ATP10B: variants seen among roughly 807,000 people sequenced by gnomAD.
ATP10B encodes the protein phospholipid-transporting ATPase VB.
ATP10B carries 122 observed loss-of-function variants against 141.2 expected under a neutral mutation model. The ratio of observed to expected loss-of-function variants is 0.86; its 90% CI spans 0.75 to 1.00. The LOEUF (loss-of-function observed/expected upper bound fraction) is 1.00, where lower values mean the gene tolerates loss of function less well. ATP10B is among the 50% of genes least tolerant of loss of function. The pLI is 0.00. For missense variants in ATP10B, 1,876 were observed against 1,825.3 expected, an observed-to-expected ratio of 1.03 and a Z score of -0.51; for synonymous variants, 685 against 692.0, an observed-to-expected ratio of 0.99 and a Z score of 0.16.
chr5:160,775,109 T>C (rs13160719), intron 2 of ATP10B, among the ~76,000 whole-genome samples: 43,109 of 152,182 alleles, frequency 0.28, 6,374 homozygotes, highest in Admixed American at 0.36. Flanking sequence ...TCTGTAGCAG[T>C]TCTGCAGAAG....
intron 2 of ATP10B, among the ~76,000 whole-genome samples, chr5:160,729,115 T>C (rs1469730158): frequency 6.6e-6 from 1 of 152,208 alleles, no homozygotes; most frequent in African/African-American, 2.4e-5. Context: ...TACTGAATAA[T>C]TACATTATTG....
chr5:160,724,876 T>A, intron 2 of ATP10B, among the ~76,000 whole-genome samples: 1 of 152,256 alleles, frequency 6.6e-6, no homozygotes, highest in East Asian at 1.9e-4. Context: ...TGCATTTTTT[T>A]ATTCAAAGCA....
At chr5:160,899,621 A>G in the ATP10B span, among the ~76,000 whole-genome samples, 1 of 152,178 alleles carries the variant, frequency 6.6e-6, no homozygotes, top group Non-Finnish European at 1.5e-5. Flanking sequence ...GAGTTCTTGT[A>G]CTTTTTTCAG....
At chr5:160,722,268 CT>C (rs1174210739) in intron 2 of ATP10B, among the ~76,000 whole-genome samples, 1 of 152,148 alleles carries the variant, frequency 6.6e-6, no homozygotes. Flanking sequence ...GGAATATCAT[CT>C]ATACAAAGAC....
At chr5:160,773,953 T>C (rs1770093856) in intron 2 of ATP10B, among the ~76,000 whole-genome samples, 8 of 152,200 alleles carry the variant, frequency 5.3e-5, no homozygotes, top group Admixed American at 5.2e-4. Flanking sequence ...CATGGGTCAT[T>C]TGCCATTGTA....
At chr5:160,782,074 A>T (rs1186497842) in intron 2 of ATP10B, among the ~76,000 whole-genome samples, 1 of 152,212 alleles carries the variant, frequency 6.6e-6, no homozygotes, top group Non-Finnish European at 1.5e-5. Flanking sequence ...GGAAGATAAT[A>T]GATTCCCTAG....
chr5:160,827,382 T>G (rs2127971500), intron 1 of ATP10B, among the ~76,000 whole-genome samples: 1 of 152,256 alleles, frequency 6.6e-6, no homozygotes, highest in South Asian at 2.1e-4. Context: ...CTAATTGTGG[T>G]TTTGATTTGG....
At chr5:160,651,052 G>A (rs1425409525) in intron 7 of ATP10B, among the ~76,000 whole-genome samples, 1 of 152,096 alleles carries the variant, frequency 6.6e-6, no homozygotes, top group Admixed American at 6.6e-5. Flanking sequence ...AGCATTTACT[G>A]GACACTTATT....
At chr5:160,873,945 G>A in the ATP10B span, among the ~76,000 whole-genome samples, 10 of 152,268 alleles carry the variant, frequency 6.6e-5, no homozygotes, top group African/African-American at 1.7e-4. Context: ...CAAGGCGGCA[G>A]CCAGGCTGGG....
In ATP10B at chr5:160,565,850, T is replaced by C. The variant is rs748479509; in HGVS notation, c.3989A>G (p.Lys1330Arg). The change falls in exon 26 of 26, where the codon AAA becomes AGA. Residue 1330 changes from lysine (K) to arginine (R), a missense_variant. Coordinates refer to ENST00000327245, the MANE Select transcript of ATP10B (RefSeq NM_025153.3). ...GGGGAGTTTGTCAATTTTCTGAGCT[T>C]TTGAGATTAGAGACTTCCCACAAGT... is the stretch of plus-strand genomic sequence containing the variant. ...QGTCGKSLIS[K>R]AQKIDKLPPD... 9 of 1,613,826 alleles carry C rather than the reference T, an allele frequency of 5.6e-6. No homozygotes were observed. The highest frequency in any genetic ancestry group is 1.7e-6 in the Non-Finnish European group (2 of 1,179,908).
At chr5:160,830,200 G>A (rs899826040) in intron 1 of ATP10B, among the ~76,000 whole-genome samples, 5 of 151,784 alleles carry the variant, frequency 3.3e-5, no homozygotes, top group African/African-American at 4.8e-5. Context: ...GAGGTTATGT[G>A]GTTTTTGCTT....
chr5:160,868,997 C>A, the ATP10B span, among the ~76,000 whole-genome samples: 3 of 152,100 alleles, frequency 2.0e-5, no homozygotes, highest in Non-Finnish European at 4.4e-5. Flanking sequence ...TTGGAGAGAC[C>A]TGGTTCTAAT....
At chr5:160,828,842 T>C (rs1774835655) in intron 1 of ATP10B, among the ~76,000 whole-genome samples, 1 of 150,322 alleles carries the variant, frequency 6.7e-6, no homozygotes, top group South Asian at 2.1e-4. Flanking sequence ...ATTAAGAAAA[T>C]GTGGCACATA....
At chr5:160,924,273 A>T in the ATP10B span, among the ~76,000 whole-genome samples, 2 of 152,220 alleles carry the variant, frequency 1.3e-5, no homozygotes, top group Non-Finnish European at 2.9e-5. Context: ...GTTTAATCAC[A>T]CAGGGTTGGG....
At chr5:160,743,513 A>G (rs1224546116) in intron 2 of ATP10B, among the ~76,000 whole-genome samples, 1 of 152,046 alleles carries the variant, frequency 6.6e-6, no homozygotes, top group Non-Finnish European at 1.5e-5. Flanking sequence ...GCAATAGGAG[A>G]CTGTTAGAGA....
intron 7 of ATP10B, among the ~76,000 whole-genome samples, chr5:160,649,767 A>G (rs1211868814): frequency 6.6e-6 from 1 of 152,212 alleles, no homozygotes; most frequent in Non-Finnish European, 1.5e-5. Context: ...ATCACACCAC[A>G]TAGAGATATC....
At chr5:160,750,496 T>C (rs1021877217) in intron 2 of ATP10B, among the ~76,000 whole-genome samples, 1 of 152,188 alleles carries the variant, frequency 6.6e-6, no homozygotes, top group African/African-American at 2.4e-5. Context: ...TTCTAAGTCA[T>C]AAAATTTCCA....
At chr5:160,709,882 T>C (rs1187803286) in intron 3 of ATP10B, among the ~76,000 whole-genome samples, 1 of 112,138 alleles carries the variant, frequency 8.9e-6, no homozygotes, top group African/African-American at 3.4e-5. Flanking sequence ...GTTCTTGCGA[T>C]AGTTTACTGA....
chr5:160,595,206 G>A (rs1756591016), intron 22 of ATP10B, among the ~76,000 whole-genome samples: 1 of 152,176 alleles, frequency 6.6e-6, no homozygotes, highest in Non-Finnish European at 1.5e-5. Context: ...AGAGCACAGT[G>A]CAATCAAACT....
Sources: allele counts gnomAD v4.1 joint callset (sites outside exome capture counted in the v4.1 genomes callset), GRCh38; gene constraint gnomAD v4.1.1; transcripts MANE v1.5; gene names NCBI Gene and HGNC (gene_info 2026-07-23, HGNC 2026-07-21).